ABCB11: variants seen among roughly 807,000 people sequenced by gnomAD.
ABCB11 encodes ATP binding cassette subfamily B member 11, also known as bile salt export pump.
In ABCB11, 95 loss-of-function variants were observed where a neutral mutation model predicts 148.0. That is an observed-to-expected ratio of 0.64 (90% CI 0.54 to 0.76). The LOEUF (loss-of-function observed/expected upper bound fraction) is 0.76. Ranked by LOEUF, ABCB11 falls within the 30% of genes least tolerant of loss-of-function variation. The probability of loss-of-function intolerance (pLI) is 0.00; values close to 1 mark genes in which losing one functional copy is unlikely to be tolerated. For synonymous variants in ABCB11, 591 were observed against 555.4 expected (o/e 1.06, Z -0.90); for missense variants, 1,523 against 1,617.8 (o/e 0.94, Z 1.01).
intron 14 of ABCB11, among the ~76,000 whole-genome samples, chr2:168,971,145 T>G (rs1324427350): frequency 6.6e-6 from 1 of 152,014 alleles, no homozygotes; most frequent in African/African-American, 2.4e-5. Flanking sequence ...GCAAGCTATT[T>G]GACCTCTCAG....
chr2:169,012,370 T>C (rs1198070107), intron 5 of ABCB11, among the ~76,000 whole-genome samples: 2 of 152,088 alleles, frequency 1.3e-5, no homozygotes, highest in African/African-American at 4.8e-5. Context: ...GATTACAAGG[T>C]GGCCTGTCAG....
At position 168,922,077 on chromosome 2, in the gene ABCB11, T is replaced by C. The variant is rs984348604; in HGVS notation, c.*1545A>G. On this transcript the variant is annotated 3_prime_UTR_variant, in exon 28 of 28. Transcript: ENST00000650372. ...TGTTAGCCAGGATGGTCTCAATCTCTCGACCTCATGATCCGCCCGCCTTGG... is the reference window on the plus strand; with the variant it reads ...TGTTAGCCAGGATGGTCTCAATCTCCCGACCTCATGATCCGCCCGCCTTGG... Among the ~76,000 whole-genome samples, 28 of 151,904 alleles carry C rather than the reference T, an allele frequency of 1.8e-4. No homozygotes were observed. The highest frequency in any genetic ancestry group is 3.9e-4 in the African/African-American group (16 of 41,368).
At chr2:169,028,062 A>T (rs923483738) in intron 1 of ABCB11, among the ~76,000 whole-genome samples, 3 of 152,070 alleles carry the variant, frequency 2.0e-5, no homozygotes, top group African/African-American at 7.2e-5. Context: ...TCTGTGCTAC[A>T]GTGACAGAAT....
chr2:168,937,193 C>T (rs7568243), intron 21 of ABCB11, among the ~76,000 whole-genome samples: 1,812 of 152,260 alleles, frequency 0.012, 31 homozygotes, highest in African/African-American at 0.04. Flanking sequence ...AGCTTCATTC[C>T]CTTTTAAAAC....
At chr2:168,962,311 T>G (rs1043399159) in intron 18 of ABCB11, among the ~76,000 whole-genome samples, 1 of 151,742 alleles carries the variant, frequency 6.6e-6, no homozygotes, top group Non-Finnish European at 1.5e-5. Flanking sequence ...TGTTCTATTC[T>G]AAATGTATAA....
intron 17 of ABCB11, 103 bp downstream of exon 17, chr2:168,968,324 G>A: frequency 9.2e-7 from 1 of 1,088,140 alleles, no homozygotes; most frequent in Non-Finnish European, 1.4e-6. Context: ...AGTCTACTCA[G>A]AGTTTCCTTG....
rs140413824 is a variant in ABCB11 at position 168,948,588 on chromosome 2, C to T, written c.2344-3627G>A. Reference sequence around the variant, plus strand: ...CCGATATGCATTCCCCAGTCCACAGCACCATGTCTGGGGAAGACAATCAAT... The same window carrying T: ...CCGATATGCATTCCCCAGTCCACAGTACCATGTCTGGGGAAGACAATCAAT... On this transcript the variant is annotated intron_variant, in intron 19 of 27. Coordinates refer to ENST00000650372, the MANE Select transcript of ABCB11 (RefSeq NM_003742.4). 4.2e-3 allele frequency among the ~76,000 whole-genome samples: 630 copies of T among 151,686 alleles called. 2 individuals are homozygous for T. The highest frequency in any genetic ancestry group is 7.8e-3 in the Non-Finnish European group (528 of 67,742).
intron 3 of ABCB11, 63 bp from the exon 4 acceptor site, chr2:169,014,417 AGGT>A: frequency 1.3e-6 from 2 of 1,491,178 alleles, no homozygotes; most frequent in Non-Finnish European, 1.9e-6. Flanking sequence ...AATTCTCCCT[AGGT>A]GGTGATTTTA....
chr2:168,983,995 A>G (rs889486436), intron 10 of ABCB11, among the ~76,000 whole-genome samples: 3 of 152,150 alleles, frequency 2.0e-5, no homozygotes. Context: ...TCCATATCAC[A>G]AAAGTGCTTT....
At position 168,940,763 on chromosome 2, in the gene ABCB11, G is replaced by A. The variant is rs532467756; in HGVS notation, c.2610+3842C>T. On this transcript the variant is annotated intron_variant, in intron 21 of 27. Coordinates refer to ENST00000650372, the MANE Select transcript of ABCB11 (RefSeq NM_003742.4). The stretch of plus-strand genomic sequence containing the variant: ...AGTCAATGCCTGACTTCAAACTTAC[G>A]AAAAATAGGCTGACTCTCTTGTTAG... Among the ~76,000 whole-genome samples, 6 of 152,100 alleles carry A rather than the reference G, an allele frequency of 3.9e-5. No individual in the cohort carries two copies. In the East Asian group the frequency reaches 7.7e-4, roughly 20 times the overall value.
At chr2:168,978,338 G>T (rs756143502) in intron 11 of ABCB11, among the ~76,000 whole-genome samples, 9 of 151,726 alleles carry the variant, frequency 5.9e-5, no homozygotes, top group Non-Finnish European at 1.2e-4. Context: ...TAGAGACAGG[G>T]TTGCCCAGGC....
intron 9 of ABCB11, among the ~76,000 whole-genome samples, chr2:168,987,554 C>T (rs1033228426): frequency 1.3e-5 from 2 of 152,116 alleles, no homozygotes; most frequent in African/African-American, 4.8e-5. Flanking sequence ...CTCAGCCTCC[C>T]AAGTAGCTGG....
chr2:169,014,369 A>C lies in ABCB11; in HGVS notation c.99-15T>G. 5 of 1,611,928 alleles carry C rather than the reference A, an allele frequency of 3.1e-6. No individual in the cohort carries two copies. Among genetic ancestry groups the C allele is most frequent in the Non-Finnish European group, 4.2e-6 (5 of 1,178,478 alleles). On this transcript the variant is annotated splice_polypyrimidine_tract_variant and intron_variant, in intron 3 of 27. Coordinates refer to ENST00000650372, the MANE Select transcript of ABCB11 (RefSeq NM_003742.4). ...CATCTTGTAACCTGATGAGAAAAACATAAGGATTTAAAGACCACCCTTTCC... is the reference window on the plus strand; with the variant it reads ...CATCTTGTAACCTGATGAGAAAAACCTAAGGATTTAAAGACCACCCTTTCC...
At chr2:169,019,200 T>TAC (rs753606564) in intron 1 of ABCB11, among the ~76,000 whole-genome samples, 111 of 152,282 alleles carry the variant, frequency 7.3e-4, no homozygotes, top group Non-Finnish European at 1.4e-3. Flanking sequence ...CATACATATA[T>TAC]ACACACATGT....
intron 19 of ABCB11, among the ~76,000 whole-genome samples, chr2:168,949,049 C>T (rs772829673): frequency 1.3e-5 from 2 of 151,592 alleles, no homozygotes; most frequent in Admixed American, 6.6e-5. Flanking sequence ...GACTAGGATT[C>T]GGTAAACCTG....
At chr2:168,927,929 G>T (rs1010880542) in intron 25 of ABCB11, among the ~76,000 whole-genome samples, 1 of 152,166 alleles carries the variant, frequency 6.6e-6, no homozygotes, top group Non-Finnish European at 1.5e-5. Context: ...TGTCTGCTAC[G>T]TAAAGAAAAT....
Position 168,935,411 on chromosome 2 carries a change from G to A in ABCB11, c.2829C>T (p.Ala943=). 1.2e-6 allele frequency: 2 copies of A among 1,611,486 alleles called. No homozygotes were observed. Among genetic ancestry groups the A allele is most frequent in the Non-Finnish European group, 1.7e-6 (2 of 1,178,254 alleles). Residue 943 remains alanine (A), a synonymous_variant, in exon 23 of 28, where the codon GCC becomes GCT. Transcript: ENST00000650372. ...CAGCAACAGTGCGGATGTTACTGAGGGCTTCATTTGTAATCTGAAGATTGA... is the reference window on the plus strand; with the variant it reads ...CAGCAACAGTGCGGATGTTACTGAGAGCTTCATTTGTAATCTGAAGATTGA... ...LEMVGQITNE[A]LSNIRTVAGI... is the part of the protein sequence containing the mutation.
At chr2:168,954,273 T>C (rs1412509227) in intron 19 of ABCB11, among the ~76,000 whole-genome samples, 2 of 151,606 alleles carry the variant, frequency 1.3e-5, no homozygotes, top group Non-Finnish European at 3.0e-5. Context: ...TGCCATTTTA[T>C]TTTTTTCTCT....
chr2:168,961,582 G>A lies in ABCB11; in HGVS notation c.2178+2624C>T, dbSNP rs142669638. Among the ~76,000 whole-genome samples, 8 of 151,784 alleles carry A rather than the reference G, an allele frequency of 5.3e-5. No homozygotes were observed. The East Asian group carries it at 1.6e-3, about 30-fold the overall frequency. On this transcript the variant is annotated intron_variant, in intron 18 of 27. Coordinates refer to ENST00000650372, the MANE Select transcript of ABCB11 (RefSeq NM_003742.4). The stretch of plus-strand genomic sequence containing the variant: ...TGTTTTAGTTTCACCAAAAGAGATT[G>A]CCTAAATATTAGAGACTAAAACCTT...
Sources: allele counts gnomAD v4.1 joint callset (sites outside exome capture counted in the v4.1 genomes callset), GRCh38; gene constraint gnomAD v4.1.1; transcripts MANE v1.5; gene names NCBI Gene and HGNC (gene_info 2026-07-23, HGNC 2026-07-21).